Variants in CLU observed in about 807,000 individuals in gnomAD.
CLU encodes aging-associated protein 4.
Under a neutral mutation model 46.4 loss-of-function variants are expected in CLU, and 25 were observed. The ratio of observed to expected loss-of-function variants is 0.54; its 90% CI spans 0.39 to 0.75. The LOEUF (loss-of-function observed/expected upper bound fraction) is 0.75, where lower values mean the gene tolerates loss of function less well. Ranked by LOEUF, CLU falls within the 30% of genes least tolerant of loss-of-function variation. CLU has a pLI of 0.00. For missense variants in CLU, 504 were observed against 592.1 expected, an observed-to-expected ratio of 0.85 and a Z score of 1.54; for synonymous variants, 235 against 235.1, an observed-to-expected ratio of 1.00 and a Z score of 0.00.
At chr8:27,603,331 T>C (rs929160234) in intron 6 of CLU, among the ~76,000 whole-genome samples, 5 of 152,236 alleles carry the variant, frequency 3.3e-5, no homozygotes, top group African/African-American at 1.2e-4. Context: ...AAAGCACAAC[T>C]GTTTATTTTG....
chr8:27,604,925 T>C lies in CLU; in HGVS notation c.828A>G (p.Arg276=). 1 of 1,614,064 alleles carries C rather than the reference T, an allele frequency of 6.2e-7. No homozygotes were observed. Among genetic ancestry groups the C allele is most frequent in the Middle Eastern group, 1.6e-4 (1 of 6,062 alleles). ...CCATGAGCTTCCACCCCTTCTCACC[T>C]CGTATGAATTCTGTTGGCGGGTGCT... is the stretch of plus-strand genomic sequence containing the variant. ...AFQHPPTEFI[R]EGDDDRTVCR... is the part of the protein sequence containing the mutation. The change falls in exon 5 of 9, where the codon CGA becomes CGG. Residue 276 remains arginine, a splice_region_variant and synonymous_variant. Transcript: ENST00000316403.
In CLU at chr8:27,598,558, G is replaced by A. The variant is rs759422135; in HGVS notation, c.1242C>T (p.Pro414=). The A allele has an allele frequency of 1.9e-6, 3 of 1,614,028 alleles. No homozygotes were observed. Among genetic ancestry groups the A allele is most frequent in the Non-Finnish European group, 2.5e-6 (3 of 1,180,018 alleles). Reference sequence around the variant, plus strand: ...CTTCTACAGGGACCGTCACAGTGATGGGATCAGAGTCAAAGAGCTTCACGA... The same window carrying A: ...CTTCTACAGGGACCGTCACAGTGATAGGATCAGAGTCAAAGAGCTTCACGA... The part of the protein sequence containing the change: ...EVVVKLFDSD[P]ITVTVPVEVS... Residue 414 remains proline (P), a synonymous_variant, in exon 8 of 9, where the codon CCC becomes CCT. Transcript: ENST00000316403.
In CLU at chr8:27,597,711, A is replaced by C. The variant is rs1262337091; in HGVS notation, c.*530T>G. On this transcript the variant is annotated 3_prime_UTR_variant, in exon 9 of 9. Transcript: ENST00000316403. Reference sequence around the variant, plus strand: ...GGTCAGAATACATCGACAGTTTTATAATAGAACAGAAAAGCTTCCATTTGC... The same window carrying C: ...GGTCAGAATACATCGACAGTTTTATCATAGAACAGAAAAGCTTCCATTTGC... 4.4e-6 allele frequency: 2 copies of C among 454,164 alleles called. No individual in the cohort carries two copies. The highest frequency in any genetic ancestry group is 8.8e-6 in the Non-Finnish European group (2 of 226,934). The allele number at this position is 454,164 out of a possible 1,614,324, so 28.1% of individuals were successfully genotyped here.
chr8:27,610,208 G>T (rs1242005876), intron 2 of CLU, among the ~76,000 whole-genome samples: 1 of 152,178 alleles, frequency 6.6e-6, no homozygotes, highest in Non-Finnish European at 1.5e-5. Context: ...GGGCCTGGGA[G>T]GGGAAGAGCT....
rs1384369594 is a variant in CLU at position 27,596,959 on chromosome 8, A to G, written c.*1282T>C. 1 of 453,838 alleles carries G rather than the reference A, an allele frequency of 2.2e-6. No homozygotes were observed. Among genetic ancestry groups the G allele is most frequent in the Non-Finnish European group, 4.4e-6 (1 of 226,736 alleles). 28.1% of individuals were successfully genotyped at this position (453,838 alleles called of 1,614,324 possible). A position where few individuals can be genotyped will look rare whatever the true frequency, so the allele number is the denominator to read the frequency against. On this transcript the variant is annotated 3_prime_UTR_variant, in exon 9 of 9. Transcript: ENST00000316403. Reference sequence around the variant, plus strand: ...TGACATTAATGTGACAATGTGACATATACTTTACAATTATGATCACTTAAG... The same window carrying G: ...TGACATTAATGTGACAATGTGACATGTACTTTACAATTATGATCACTTAAG...
In CLU at chr8:27,599,676, A is replaced by AT; in HGVS notation, c.1164+103dup. 1 of 898,576 alleles carries AT rather than the reference A, an allele frequency of 1.1e-6. No individual in the cohort carries two copies. Among genetic ancestry groups the AT allele is most frequent in the Non-Finnish European group, 1.8e-6 (1 of 559,578 alleles). 55.7% of individuals were successfully genotyped at this position (898,576 alleles called of 1,614,324 possible). On this transcript the variant is annotated intron_variant, in intron 7 of 8. Coordinates refer to ENST00000316403, the MANE Select transcript of CLU (RefSeq NM_001831.4). This position sits in a 1 kb window ranked among gnomAD's most constrained non-coding sequence, Gnocchi z 4.0. ...GCAACAGGGGCGCCTAAAGTTTTCT[A>AT]TTTTCTGCCGTGTGATAAATGCTCA...
intron 6 of CLU, among the ~76,000 whole-genome samples, chr8:27,602,033 G>C (rs1488998976): frequency 6.6e-6 from 1 of 152,200 alleles, no homozygotes; most frequent in Non-Finnish European, 1.5e-5. Context: ...AGAGGTTGCA[G>C]TGAGCAAAGA....
chr8:27,611,008 C>G (rs1177586767), intron 1 of CLU: 1 of 366,086 alleles, frequency 2.7e-6, no homozygotes, highest in East Asian at 7.3e-5. Flanking sequence ...TGCATCCGTC[C>G]CTCCCCATGC....
At position 27,599,964 on chromosome 8, in the gene CLU, A is replaced by C; in HGVS notation, c.980T>G (p.Leu327Arg). ...NPSQAKLRRE[L>R]DESLQVAERL... Reference sequence around the variant, plus strand: ...CTCAGCGACCTGGAGGGATTCGTCGAGCTCCCGCCGCAGCTTAGCCTGGGA... The same window carrying C: ...CTCAGCGACCTGGAGGGATTCGTCGCGCTCCCGCCGCAGCTTAGCCTGGGA... Residue 327 changes from leucine to arginine, a missense_variant, in exon 7 of 9, where the codon CTC (leucine) becomes CGC (arginine). Leu to Arg is a moderately radical substitution (Grantham distance 102). Coordinates refer to ENST00000316403, the MANE Select transcript of CLU (RefSeq NM_001831.4). This position sits in a 1 kb window ranked among gnomAD's most constrained non-coding sequence, Gnocchi z 4.0. 3 of 1,614,124 alleles carry C rather than the reference A, an allele frequency of 1.9e-6. No homozygotes were observed. Among genetic ancestry groups the C allele is most frequent in the Non-Finnish European group, 2.5e-6 (3 of 1,180,034 alleles).
Position 27,597,428 on chromosome 8 carries a change from G to A in CLU, c.*813C>T, listed in dbSNP as rs9331946. 6.1e-4 allele frequency: 275 copies of A among 454,434 alleles called. 2 individuals carry two copies. The East Asian group carries it at 0.015, about 24-fold the overall frequency. 28.2% of individuals were successfully genotyped at this position (454,434 alleles called of 1,614,324 possible). On this transcript the variant is annotated 3_prime_UTR_variant, in exon 9 of 9. Transcript: ENST00000316403. ...AGGTATGAAGATCATATAAACCGGC[G>A]GTGGACAGGAAATGCCACAGTCAAG...
intron 4 of CLU, 39 bp downstream of exon 4, chr8:27,606,315 C>T (rs1800820905): frequency 6.2e-7 from 1 of 1,610,226 alleles, no homozygotes; most frequent in Admixed American, 1.7e-5. Context: ...CCCTCCTTCC[C>T]CACTCAGAGC....
Position 27,609,089 on chromosome 8 carries a change from G to A in CLU, c.98-3C>T, listed in dbSNP as rs111683672. The A allele has an allele frequency of 1.8e-5, 29 of 1,613,658 alleles. No homozygotes were observed. In the Admixed American group the frequency reaches 2.7e-4, roughly 15 times the overall value. ...CTTACTTCCCTGATTGGACATTTCT[G>A]CAAGAGAAGTGCAAGAGGCAGAATG... On this transcript the variant is annotated splice_region_variant and splice_polypyrimidine_tract_variant and intron_variant, in intron 2 of 8. Transcript: ENST00000316403.
At chr8:27,612,959 G>T (rs1242873710) in intron 1 of CLU, among the ~76,000 whole-genome samples, 1 of 149,032 alleles carries the variant, frequency 6.7e-6, no homozygotes, top group Non-Finnish European at 1.5e-5. Flanking sequence ...ATGGCGGGGG[G>T]TGGGGGGCAG....
intron 6 of CLU, among the ~76,000 whole-genome samples, chr8:27,603,015 A>G (rs1477698934): frequency 6.6e-6 from 1 of 152,188 alleles, no homozygotes; most frequent in African/African-American, 2.4e-5. Context: ...CAGTGAGCCG[A>G]GATAGAGCCA....
chr8:27,608,552 C>T (rs1267075031), intron 3 of CLU: 1 of 375,384 alleles, frequency 2.7e-6, no homozygotes, highest in Non-Finnish European at 5.0e-6. Flanking sequence ...TGCTGTGTGC[C>T]TGCCTTAACC....
chr8:27,609,162 C>G (rs1800877531), intron 2 of CLU, 76 bp from the exon 3 acceptor site: 3 of 1,513,830 alleles, frequency 2.0e-6, no homozygotes, highest in Non-Finnish European at 1.8e-6. Context: ...AGCTGGATGG[C>G]CAGAAAGGCC....
At position 27,604,958 on chromosome 8, in the gene CLU, C is replaced by T. The variant is rs776318921; in HGVS notation, c.795G>A (p.Pro265=). 18 of 1,613,992 alleles carry T rather than the reference C, an allele frequency of 1.1e-5. No homozygotes were observed. The highest frequency in any genetic ancestry group is 2.2e-5 in the East Asian group (1 of 44,882). Reference sequence around the variant, plus strand: ...ATTCTGTTGGCGGGTGCTGGAAGGCCGGGCTATGGAAGTGGATGTCCATGG... The same window carrying T: ...ATTCTGTTGGCGGGTGCTGGAAGGCTGGGCTATGGAAGTGGATGTCCATGG... ...QQAMDIHFHS[P]AFQHPPTEFI... is the part of the protein sequence containing the mutation. Residue 265 remains proline, a synonymous_variant, in exon 5 of 9, where the codon CCG becomes CCA. Coordinates refer to ENST00000316403, the MANE Select transcript of CLU (RefSeq NM_001831.4).
chr8:27,602,299 A>G (rs991852723), intron 6 of CLU, among the ~76,000 whole-genome samples: 3 of 151,654 alleles, frequency 2.0e-5, no homozygotes, highest in Admixed American at 6.6e-5. Flanking sequence ...ACAGCCCCCA[A>G]CGACAAAGAA....
intron 6 of CLU, among the ~76,000 whole-genome samples, chr8:27,601,920 GTCTCTACTAAAAATAT>G (rs936893127): frequency 2.0e-5 from 3 of 151,918 alleles, no homozygotes; most frequent in African/African-American, 7.3e-5. Context: ...GTGAAACCCT[GTCTCTACTAAAAATAT>G]AAAAATTAGC....
Sources: gnomAD v4.1 joint callset for allele counts (sites outside exome capture counted in the v4.1 genomes callset) on GRCh38, gnomAD v4.1.1 for gene constraint, Gnocchi (gnomAD v3.1) non-coding constraint, MANE v1.5 for transcripts, NCBI Gene and HGNC (gene_info 2026-07-23, HGNC 2026-07-21) for gene names.